C5: variants seen among roughly 807,000 people sequenced by gnomAD.
C5 encodes complement C5.
A neutral mutation model predicts 218.8 loss-of-function variants in C5; 140 were observed. The ratio of observed to expected loss-of-function variants is 0.64; its 90% CI spans 0.56 to 0.74. The LOEUF (loss-of-function observed/expected upper bound fraction) is 0.74. C5 is among the 30% of genes least tolerant of loss of function. The pLI is 0.00. For synonymous variants in C5, 614 were observed against 682.3 expected, an observed-to-expected ratio of 0.90 and a Z score of 1.56; for missense variants, 1,700 against 1,969.6, an observed-to-expected ratio of 0.86 and a Z score of 2.59.
chr9:121,071,680 G>C, the C5 span, among the ~76,000 whole-genome samples: 1 of 152,144 alleles, frequency 6.6e-6, no homozygotes, highest in East Asian at 1.9e-4. Context: ...GTGAGACCTT[G>C]TCTTAAAAAA....
chr9:121,047,133 C>T (rs1347330765), intron 1 of C5, among the ~76,000 whole-genome samples: 1 of 152,162 alleles, frequency 6.6e-6, no homozygotes, highest in Non-Finnish European at 1.5e-5. Flanking sequence ...ACTTTACATA[C>T]AGCTCTTGTT....
intron 10 of C5, 54 bp from the exon 11 acceptor site, chr9:121,021,748 G>T: frequency 7.2e-7 from 1 of 1,380,450 alleles, no homozygotes; most frequent in South Asian, 1.2e-5. Flanking sequence ...TTATTTTAAA[G>T]CACAATTCTG....
At chr9:121,043,517 G>A (rs552922794) in intron 2 of C5, among the ~76,000 whole-genome samples, 4 of 151,684 alleles carry the variant, frequency 2.6e-5, no homozygotes, top group Admixed American at 2.6e-4. Context: ...CCTCCTGACC[G>A]ATTCTCTGGA....
At chr9:120,967,077 T>C (rs1341711942) in intron 33 of C5, among the ~76,000 whole-genome samples, 1 of 151,880 alleles carries the variant, frequency 6.6e-6, no homozygotes, top group African/African-American at 2.4e-5. Context: ...CTGGCCAACA[T>C]GCTGAAACCC....
At chr9:121,013,852 G>T (rs763379099) in intron 17 of C5, 21 bp downstream of exon 17, 1 of 1,603,414 alleles carries the variant, frequency 6.2e-7, no homozygotes, top group African/African-American at 1.3e-5. Flanking sequence ...GCAGAATTCT[G>T]ATAGAAAATG....
intron 22 of C5, among the ~76,000 whole-genome samples, chr9:120,994,979 A>G (rs1402269324): frequency 1.3e-5 from 2 of 152,114 alleles, no homozygotes; most frequent in Non-Finnish European, 2.9e-5. Flanking sequence ...GAGGCTTGAT[A>G]TAATTGCATG....
rs1249729447 is a variant in C5, at chr9:121,043,028, G to A, written c.397C>T (p.Pro133Ser). ...CCTGACTGGTCTGGAGTATAAACAG[G>A]TTTGTCTGTATGAATGAAGAGAAAT... Reference protein sequence around the residue: ...NGFLFIHTDKPVYTPDQSVKV... With the variant: ...NGFLFIHTDKSVYTPDQSVKV... Residue 133 changes from proline to serine, a missense_variant, in exon 3 of 41, where the codon CCT becomes TCT. By Grantham distance (74) the Pro-to-Ser change is moderately conservative (BLOSUM62 -1). Transcript: ENST00000223642. 6.2e-7 allele frequency: 1 copy of A among 1,612,748 alleles called. No homozygotes were observed.
chr9:120,967,103 TA>T (rs1362065253), intron 33 of C5, among the ~76,000 whole-genome samples: 3 of 151,300 alleles, frequency 2.0e-5, no homozygotes, highest in Admixed American at 6.6e-5. Flanking sequence ...CTACTAAAAA[TA>T]AAAAAATTAG....
At chr9:120,988,137 G>C (rs143902313) in intron 25 of C5, among the ~76,000 whole-genome samples, 2 of 152,168 alleles carry the variant, frequency 1.3e-5, no homozygotes, top group Admixed American at 6.5e-5. Flanking sequence ...AATTAATTCA[G>C]ACTATCTTTC....
At chr9:121,044,079 A>C (rs1281734253) in intron 2 of C5, among the ~76,000 whole-genome samples, 1 of 152,218 alleles carries the variant, frequency 6.6e-6, no homozygotes, top group Non-Finnish European at 1.5e-5. Flanking sequence ...GCTATGCGAA[A>C]TTATTGTAAA....
At position 121,013,319 on chromosome 9, in the gene C5, A is replaced by G. The variant is rs113253183; in HGVS notation, c.2257+554T>C. 1.6e-3 allele frequency among the ~76,000 whole-genome samples: 110 copies of G among 66,968 alleles called. 1 individual carries two copies. Among genetic ancestry groups the G allele is most frequent in the African/African-American group, 2.9e-3 (32 of 10,920 alleles). 43.9% of individuals were successfully genotyped at this position (66,968 alleles called of 152,430 possible). On this transcript the variant is annotated intron_variant, in intron 17 of 40. Transcript: ENST00000223642. Reference sequence around the variant, plus strand: ...GGGTGACAGAGCCAGATTCCTACTGAAAAAAAAAAAAAAAAAGACTATATA... The same window carrying G: ...GGGTGACAGAGCCAGATTCCTACTGGAAAAAAAAAAAAAAAAGACTATATA...
intron 30 of C5, among the ~76,000 whole-genome samples, chr9:120,973,353 G>A (rs1302918183): frequency 6.6e-6 from 1 of 152,132 alleles, no homozygotes; most frequent in Non-Finnish European, 1.5e-5. Flanking sequence ...ATGAATCTCC[G>A]GTGAACTCTA....
chr9:121,022,658 G>A (rs1367662566), intron 10 of C5, among the ~76,000 whole-genome samples: 1 of 149,432 alleles, frequency 6.7e-6, no homozygotes, highest in Non-Finnish European at 1.5e-5. Context: ...ATTTTGCTCT[G>A]GATTTCTAAA....
intron 20 of C5, among the ~76,000 whole-genome samples, chr9:120,998,084 T>C (rs745649107): frequency 1.7e-4 from 26 of 152,212 alleles, no homozygotes; most frequent in Non-Finnish European, 3.2e-4. Context: ...ATTACAGGCA[T>C]GATGCTGTAA....
rs41312861 is a variant in C5, at chr9:120,972,041, A to G, written c.4018-49T>C. ...ACCATGCTTTCTTTCATCATTTGAT[A>G]GGGAGGGAGGATAGAGCTATGAAAA... On this transcript the variant is annotated intron_variant, in intron 30 of 40. Transcript: ENST00000223642. 1.7e-3 allele frequency: 2,528 copies of G among 1,483,178 alleles called. 46 individuals are homozygous for G. In the African/African-American group the frequency reaches 0.031, roughly 18 times the overall value. The allele number at this position is 1,483,178 out of a possible 1,614,324, so 91.9% of individuals were successfully genotyped here.
intron 3 of C5, among the ~76,000 whole-genome samples, chr9:121,039,607 A>G (rs538317830): frequency 2.6e-5 from 4 of 152,314 alleles, no homozygotes; most frequent in African/African-American, 9.6e-5. Flanking sequence ...ACTGCCCTCC[A>G]GCCTGGGTGA....
chr9:120,996,487 G>C (rs934541563), intron 21 of C5, among the ~76,000 whole-genome samples, 187 bp from the exon 22 acceptor site: 6 of 152,188 alleles, frequency 3.9e-5, no homozygotes, highest in African/African-American at 1.4e-4. Context: ...ATATTGACCA[G>C]AGCAAATGCT....
At chr9:121,056,651 G>C in the C5 span, among the ~76,000 whole-genome samples, 1 of 151,908 alleles carries the variant, frequency 6.6e-6, no homozygotes, top group Non-Finnish European at 1.5e-5. Flanking sequence ...GTGAAGACAG[G>C]CTATATGAAA....
At chr9:120,976,548 G>A (rs976389567) in intron 29 of C5, 152 bp downstream of exon 29, 53 of 716,926 alleles carry the variant, frequency 7.4e-5, no homozygotes, top group African/African-American at 6.0e-4. Flanking sequence ...GAGTGTTGAC[G>A]CAGATAACCT....
Sources: gnomAD v4.1 joint callset for allele counts (sites outside exome capture counted in the v4.1 genomes callset) on GRCh38, gnomAD v4.1.1 for gene constraint, MANE v1.5 for transcripts, NCBI Gene and HGNC (gene_info 2026-07-23, HGNC 2026-07-21) for gene names.